Variants in VWA3B observed in about 807,000 individuals in gnomAD.
VWA3B encodes the protein von Willebrand factor A domain-containing protein 3B.
A neutral mutation model predicts 158.3 loss-of-function variants in VWA3B; 138 were observed. The ratio of observed to expected loss-of-function variants is 0.87; its 90% CI spans 0.76 to 1.00. The LOEUF (loss-of-function observed/expected upper bound fraction) is 1.00. Among genes scored for constraint, VWA3B ranks in the 50% least tolerant of loss-of-function variants. VWA3B has a pLI of 0.00. For missense variants in VWA3B, 1,555 were observed against 1,565.1 expected (o/e 0.99, Z 0.11); for synonymous variants, 596 against 587.3 (o/e 1.01, Z -0.21).
chr2:98,255,864 C>T (rs1197359084), intron 20 of VWA3B, among the ~76,000 whole-genome samples: 1 of 152,170 alleles, frequency 6.6e-6, no homozygotes, highest in Non-Finnish European at 1.5e-5. Flanking sequence ...AGTTTGTCAA[C>T]TGCCTTTACT....
At chr2:98,121,205 T>C in intron 4 of VWA3B, 94 bp from the exon 5 acceptor site, 1 of 1,456,916 alleles carries the variant, frequency 6.9e-7, no homozygotes, top group Admixed American at 1.9e-5. Flanking sequence ...GAGATGGATG[T>C]TGGCAGCTTG....
chr2:98,120,983 C>G (rs1335618509), intron 4 of VWA3B, among the ~76,000 whole-genome samples: 1 of 152,166 alleles, frequency 6.6e-6, no homozygotes, highest in African/African-American at 2.4e-5. Context: ...TACATATAAA[C>G]TTGCCTGTTT....
chr2:98,297,387 T>C (rs1343905878), intron 23 of VWA3B, among the ~76,000 whole-genome samples: 2 of 152,198 alleles, frequency 1.3e-5, no homozygotes, highest in Non-Finnish European at 2.9e-5. Context: ...CAGCCTTACA[T>C]CTTTTTTCTT....
In VWA3B at chr2:98,218,034, A is replaced by C; in HGVS notation, c.2019+6A>C. ...CTCCCCCAGAGGCTGTTCAGGTAAG[A>C]GCTTGGTGGGCTAAGAAGGGAGTGT... On this transcript the variant is annotated splice_donor_region_variant and intron_variant, in intron 14 of 27. Coordinates refer to ENST00000477737, the MANE Select transcript of VWA3B (RefSeq NM_144992.5). 6.3e-7 allele frequency: 1 copy of C among 1,599,170 alleles called. No homozygotes were observed. The highest frequency in any genetic ancestry group is 2.3e-5 in the East Asian group (1 of 44,440).
chr2:98,118,950 A>G (rs878975829), intron 3 of VWA3B, among the ~76,000 whole-genome samples: 2 of 152,180 alleles, frequency 1.3e-5, no homozygotes, highest in Non-Finnish European at 2.9e-5. Flanking sequence ...GGGCAGCTCA[A>G]GGGCTGCTGG....
At chr2:98,144,157 A>T (rs1409217104) in intron 7 of VWA3B, among the ~76,000 whole-genome samples, 1 of 152,162 alleles carries the variant, frequency 6.6e-6, no homozygotes, top group East Asian at 1.9e-4. Context: ...GTATGGATGG[A>T]TGGATATATA....
At chr2:98,163,390 T>C (rs1000526755) in intron 8 of VWA3B, among the ~76,000 whole-genome samples, 1 of 151,968 alleles carries the variant, frequency 6.6e-6, no homozygotes, top group African/African-American at 2.4e-5. Flanking sequence ...ATACAAAAAT[T>C]AGCTGGGTGT....
At chr2:98,149,602 T>C (rs897727910) in intron 7 of VWA3B, among the ~76,000 whole-genome samples, 2 of 152,186 alleles carry the variant, frequency 1.3e-5, no homozygotes, top group Non-Finnish European at 2.9e-5. Flanking sequence ...AAGCAACCAG[T>C]CAGAAGTACT....
chr2:98,225,875 A>G (rs192655945), intron 14 of VWA3B, among the ~76,000 whole-genome samples: 8 of 152,348 alleles, frequency 5.3e-5, no homozygotes, highest in African/African-American at 1.9e-4. Flanking sequence ...TTATGCACCT[A>G]AAAAAGTATG....
intron 22 of VWA3B, among the ~76,000 whole-genome samples, chr2:98,281,973 G>A (rs1688903583): frequency 6.6e-6 from 1 of 152,122 alleles, no homozygotes; most frequent in African/African-American, 2.4e-5. Context: ...ATCACCCATG[G>A]GTTTCTTTTT....
chr2:98,206,967 A>G, intron 12 of VWA3B: 1 of 481,670 alleles, frequency 2.1e-6, no homozygotes, highest in Non-Finnish European at 4.1e-6. Context: ...AGATGAATGA[A>G]CCACATGCTA....
At chr2:98,270,560 C>G in intron 21 of VWA3B, 122 bp from the exon 22 acceptor site, 1 of 1,003,372 alleles carries the variant, frequency 1.0e-6, no homozygotes, top group Non-Finnish European at 1.4e-6. Context: ...ACACTAGCTT[C>G]AACAGATGTT....
intron 6 of VWA3B, chr2:98,133,569 G>T (rs1676031891): frequency 2.2e-6 from 1 of 454,024 alleles, no homozygotes; most frequent in Non-Finnish European, 3.9e-6. Context: ...ATACCATTTG[G>T]TTGAGCTAAT....
the VWA3B span, among the ~76,000 whole-genome samples, chr2:98,324,917 A>C: frequency 2.0e-5 from 3 of 152,076 alleles, no homozygotes; most frequent in African/African-American, 7.2e-5. Flanking sequence ...GTTAAAAAAA[A>C]AAAATCCACT....
Position 98,270,706 on chromosome 2 carries a change from G to A in VWA3B, c.2868G>A (p.Gln956=). 6.2e-7 allele frequency: 1 copy of A among 1,614,060 alleles called. No individual in the cohort carries two copies. Among genetic ancestry groups the A allele is most frequent in the South Asian group, 1.1e-5 (1 of 91,080 alleles). ...GGTTAGATGCAAACAAACCAATACA[G>A]TACTTGGAAAACAAAACAGTTTTAA... ...KEKLDANKPI[Q]YLENKTVLNQ... The change falls in exon 22 of 28, where the codon CAG becomes CAA. Residue 956 remains glutamine, a synonymous_variant. Coordinates refer to ENST00000477737, the MANE Select transcript of VWA3B (RefSeq NM_144992.5).
At chr2:98,234,559 C>G (rs1296556503) in intron 16 of VWA3B, 89 bp from the exon 17 acceptor site, 8 of 1,566,614 alleles carry the variant, frequency 5.1e-6, no homozygotes, top group East Asian at 4.5e-5. Flanking sequence ...TGCATTCTTA[C>G]TTTAAGGAGC....
At chr2:98,146,739 G>A (rs1558601735) in intron 7 of VWA3B, among the ~76,000 whole-genome samples, 5 of 152,184 alleles carry the variant, frequency 3.3e-5, no homozygotes, top group Admixed American at 6.5e-5. Flanking sequence ...TCCTAGTTTA[G>A]AGGAAAAAAG....
chr2:98,106,197 G>A (rs1673636621), intron 2 of VWA3B, among the ~76,000 whole-genome samples: 2 of 152,144 alleles, frequency 1.3e-5, no homozygotes, highest in South Asian at 4.2e-4. Context: ...TTACAGGTGT[G>A]AGCCACTGCG....
At chr2:98,276,519 C>G (rs1287742491) in intron 22 of VWA3B, among the ~76,000 whole-genome samples, 2 of 152,266 alleles carry the variant, frequency 1.3e-5, no homozygotes, top group Non-Finnish European at 2.9e-5. Flanking sequence ...TTAAGCACCC[C>G]CATGAGCTGA....
Sources: allele counts gnomAD v4.1 joint callset (sites outside exome capture counted in the v4.1 genomes callset), GRCh38; gene constraint gnomAD v4.1.1; transcripts MANE v1.5; gene names NCBI Gene and HGNC (gene_info 2026-07-23, HGNC 2026-07-21).